SPAG16: variants seen among roughly 807,000 people sequenced by gnomAD.
The protein encoded by SPAG16 is sperm-associated antigen 16 protein.
A neutral mutation model predicts 80.4 loss-of-function variants in SPAG16; 86 were observed. The observed-to-expected ratio is 1.07, with a 90% CI of 0.90 to 1.28. The LOEUF is 1.28. Among genes scored for constraint, SPAG16 ranks in the 50% most tolerant of loss-of-function variants. The pLI is 0.00. For missense variants in SPAG16, 870 were observed against 765.3 expected (o/e 1.14, Z -1.61); for synonymous variants, 294 against 265.9 (o/e 1.11, Z -1.03).
intron 15 of SPAG16, among the ~76,000 whole-genome samples, chr2:214,379,729 GA>G (rs375154566): frequency 1.3e-5 from 2 of 152,192 alleles, no homozygotes; most frequent in African/African-American, 4.8e-5. Flanking sequence ...AATTGTAAGG[GA>G]AATCTAAGCA....
At chr2:213,923,287 C>A (rs2106216866) in intron 11 of SPAG16, among the ~76,000 whole-genome samples, 1 of 152,276 alleles carries the variant, frequency 6.6e-6, no homozygotes, top group East Asian at 1.9e-4. Context: ...AACTGCTGGG[C>A]CAAAAGCTCC....
At chr2:213,662,050 G>A (rs2063445253) in intron 10 of SPAG16, among the ~76,000 whole-genome samples, 2 of 151,742 alleles carry the variant, frequency 1.3e-5, no homozygotes, top group Non-Finnish European at 2.9e-5. Context: ...ATAATATACA[G>A]TATTGATAAA....
chr2:213,808,911 G>A (rs554378317), intron 10 of SPAG16, among the ~76,000 whole-genome samples: 50 of 152,100 alleles, frequency 3.3e-4, no homozygotes, highest in African/African-American at 1.2e-3. Context: ...TCTCAAGTTG[G>A]GCTAGAAATT....
intron 10 of SPAG16, among the ~76,000 whole-genome samples, chr2:213,767,931 A>G (rs781650050): frequency 2.0e-5 from 3 of 152,230 alleles, no homozygotes; most frequent in Non-Finnish European, 4.4e-5. Context: ...TAAATAAGCA[A>G]TTATAGTATA....
At chr2:213,918,264 A>C (rs2078057596) in intron 11 of SPAG16, among the ~76,000 whole-genome samples, 1 of 152,190 alleles carries the variant, frequency 6.6e-6, no homozygotes. Context: ...TTTTTGTGTC[A>C]GGAAAATAGT....
chr2:213,797,725 G>A (rs1456528494), intron 10 of SPAG16, among the ~76,000 whole-genome samples: 1 of 152,188 alleles, frequency 6.6e-6, no homozygotes, highest in African/African-American at 2.4e-5. Context: ...TTCACTAATT[G>A]TTGAGGAATT....
chr2:214,350,223 T>C (rs899965700), intron 15 of SPAG16, among the ~76,000 whole-genome samples: 1 of 152,224 alleles, frequency 6.6e-6, no homozygotes, highest in Non-Finnish European at 1.5e-5. Context: ...CCAGCAAATA[T>C]AGAAAAATGT....
intron 9 of SPAG16, among the ~76,000 whole-genome samples, chr2:213,486,811 A>C (rs2073999716): frequency 6.6e-6 from 1 of 152,112 alleles, no homozygotes; most frequent in South Asian, 2.1e-4. Flanking sequence ...AAATAAGTGG[A>C]GTATGAAACA....
intron 13 of SPAG16, among the ~76,000 whole-genome samples, chr2:214,060,394 T>A (rs1350869495): frequency 1.3e-5 from 2 of 152,130 alleles, no homozygotes; most frequent in Non-Finnish European, 2.9e-5. Flanking sequence ...ACCTAAAGGA[T>A]AAAATGAAAT....
At chr2:214,104,154 A>T (rs1489862513) in intron 13 of SPAG16, among the ~76,000 whole-genome samples, 2 of 152,152 alleles carry the variant, frequency 1.3e-5, no homozygotes, top group Non-Finnish European at 2.9e-5. Flanking sequence ...TCTTTAACTC[A>T]GGTGCCAGAA....
At chr2:213,515,361 CTTCCTTTTACCTAAGGATAA>C (rs1448970187) in intron 10 of SPAG16, among the ~76,000 whole-genome samples, 1 of 152,142 alleles carries the variant, frequency 6.6e-6, no homozygotes, top group African/African-American at 2.4e-5. Context: ...ACATTGATGA[CTTCCTTTTACCTAAGGATAA>C]AAACCAAAGT....
At chr2:213,997,791 A>G (rs746042281) in intron 12 of SPAG16, among the ~76,000 whole-genome samples, 3 of 151,994 alleles carry the variant, frequency 2.0e-5, no homozygotes, top group Non-Finnish European at 4.4e-5. Flanking sequence ...TTAGTAATTT[A>G]TGTTGGACCA....
In SPAG16 at chr2:213,658,827, A is replaced by C. The variant is rs553224782; in HGVS notation, c.1070+168737A>C. ...GCCAAGGTGGGCGGATCACGAAGTC[A>C]GGAGATGAGACCATCCTGGCCAACA... On this transcript the variant is annotated intron_variant, in intron 10 of 15. Transcript: ENST00000331683. Among the ~76,000 whole-genome samples the C allele has an allele frequency of 9.2e-5, 14 of 152,322 alleles. No homozygotes were observed. In the South Asian group the frequency reaches 1.5e-3, roughly 16 times the overall value.
intron 10 of SPAG16, among the ~76,000 whole-genome samples, chr2:213,608,243 A>G (rs2061330928): frequency 6.6e-6 from 1 of 152,154 alleles, no homozygotes; most frequent in African/African-American, 2.4e-5. Context: ...TTACATATGT[A>G]TACATGTGCC....
At chr2:214,105,554 C>T (rs1321853238) in intron 13 of SPAG16, among the ~76,000 whole-genome samples, 1 of 152,160 alleles carries the variant, frequency 6.6e-6, no homozygotes, top group Non-Finnish European at 1.5e-5. Context: ...CATTTCTACC[C>T]CCAGGGTCAG....
At chr2:214,201,791 A>G (rs1443940682) in intron 15 of SPAG16, among the ~76,000 whole-genome samples, 3 of 152,136 alleles carry the variant, frequency 2.0e-5, no homozygotes, top group Admixed American at 6.6e-5. Context: ...CTGAGCTGCA[A>G]TGTCAAAAAT....
At chr2:213,721,067 A>C (rs1201196347) in intron 10 of SPAG16, among the ~76,000 whole-genome samples, 1 of 151,556 alleles carries the variant, frequency 6.6e-6, no homozygotes, top group Admixed American at 6.6e-5. Flanking sequence ...TAAGTTCTTA[A>C]AACATTTTCT....
At chr2:214,302,979 C>T (rs1694667813) in intron 15 of SPAG16, among the ~76,000 whole-genome samples, 1 of 152,112 alleles carries the variant, frequency 6.6e-6, no homozygotes, top group South Asian at 2.1e-4. Flanking sequence ...TATGATACAG[C>T]TTTTTCTACC....
chr2:213,529,058 G>A (rs2075980844), intron 10 of SPAG16, among the ~76,000 whole-genome samples: 1 of 152,122 alleles, frequency 6.6e-6, no homozygotes, highest in East Asian at 1.9e-4. Context: ...TACTCAGGCT[G>A]ATAATATTTC....
Sources: allele counts gnomAD v4.1 joint callset (sites outside exome capture counted in the v4.1 genomes callset), GRCh38; gene constraint gnomAD v4.1.1; transcripts MANE v1.5; gene names NCBI Gene and HGNC (gene_info 2026-07-23, HGNC 2026-07-21).